The following SPATA18 variants were observed in gnomAD, a reference collection of about 807,000 sequenced individuals.
SPATA18 encodes the protein mitochondria-eating protein.
A neutral mutation model predicts 68.1 loss-of-function variants in SPATA18; 54 were observed. That is an observed-to-expected ratio of 0.79 (90% CI 0.64 to 0.99). The LOEUF is 0.99. SPATA18 is among the 50% of genes least tolerant of loss of function. The probability of loss-of-function intolerance (pLI) is 0.00; values close to 1 mark genes in which losing one functional copy is unlikely to be tolerated. For missense variants in SPATA18, 724 were observed against 681.1 expected (o/e 1.06, Z -0.70); for synonymous variants, 242 against 244.8 (o/e 0.99, Z 0.11).
chr4:52,066,851 G>T (rs1288675545), intron 4 of SPATA18, among the ~76,000 whole-genome samples: 1 of 152,144 alleles, frequency 6.6e-6, no homozygotes, highest in Non-Finnish European at 1.5e-5. Context: ...TTTTTTGGCT[G>T]CATAGCATTC....
intron 4 of SPATA18, among the ~76,000 whole-genome samples, chr4:52,067,958 T>G (rs930476510): frequency 9.2e-5 from 14 of 152,330 alleles, no homozygotes; most frequent in African/African-American, 2.9e-4. Flanking sequence ...AACATTTAAA[T>G]AGAACGTCAG....
chr4:52,074,884 A>G (rs1046955963), intron 6 of SPATA18, among the ~76,000 whole-genome samples: 23 of 152,214 alleles, frequency 1.5e-4, no homozygotes, highest in African/African-American at 5.3e-4. Context: ...AGACTTGCTC[A>G]GCCGCAATTA....
chr4:52,068,248 T>C (rs1739474573), intron 4 of SPATA18, among the ~76,000 whole-genome samples: 1 of 152,254 alleles, frequency 6.6e-6, no homozygotes. Flanking sequence ...TTAGTTTCCT[T>C]TCAATCTCCA....
At chr4:52,077,589 T>C (rs1480707661) in intron 7 of SPATA18, among the ~76,000 whole-genome samples, 1 of 152,112 alleles carries the variant, frequency 6.6e-6, no homozygotes, top group Non-Finnish European at 1.5e-5. Context: ...CAGGACTATC[T>C]CAAATGGGTT....
Position 52,079,903 on chromosome 4 carries a change from GT to G in SPATA18, c.1344del (p.Phe448LeufsTer18). 6.2e-7 allele frequency: 1 copy of G among 1,612,402 alleles called. No individual in the cohort carries two copies. Among genetic ancestry groups the G allele is most frequent in the South Asian group, 1.1e-5 (1 of 90,638 alleles). On this transcript the variant is annotated frameshift_variant, in exon 9 of 13. Transcript: ENST00000295213. LOFTEE classifies it high-confidence loss of function. ...LDIAYGADGE[V>X]FNDCKYRRSY... ...TATTGCATATGGAGCAGATGGAGAA[GT>G]TTTTAATGATTGCAAGTAAGAGACA...
chr4:52,054,172 T>C lies in SPATA18; in HGVS notation c.87+2381T>C, dbSNP rs115889877. On this transcript the variant is annotated intron_variant, in intron 1 of 12. Transcript: ENST00000295213. ...CACACTGAAGAACAGAATTTTTAAT[T>C]TGACTTAAGTCCAATTTAAATTCAG... Among the ~76,000 whole-genome samples the C allele has an allele frequency of 8.7e-3, 1,319 of 152,350 alleles. 11 individuals carry two copies. Among genetic ancestry groups the C allele is most frequent in the African/African-American group, 0.026 (1,083 of 41,574 alleles).
chr4:52,061,487 AAAT>A (rs3050629), intron 3 of SPATA18, among the ~76,000 whole-genome samples: 53,439 of 143,330 alleles, frequency 0.37, 11,954 homozygotes, highest in African/African-American at 0.63. Context: ...CCTAAAGTAA[AAAT>A]AATAATAATA....
intron 4 of SPATA18, among the ~76,000 whole-genome samples, chr4:52,067,694 T>C: frequency 6.6e-6 from 1 of 152,176 alleles, no homozygotes; most frequent in East Asian, 1.9e-4. Flanking sequence ...CCTTTAATAC[T>C]CTTCCATGGT....
At chr4:52,094,401 T>C (rs1252370134) in intron 11 of SPATA18, 126 bp from the exon 12 acceptor site, 1 of 766,870 alleles carries the variant, frequency 1.3e-6, no homozygotes, top group South Asian at 1.6e-5. Flanking sequence ...GGGTGAAAAA[T>C]CATAGTGCTA....
At chr4:52,075,020 G>T (rs967627534) in intron 6 of SPATA18, among the ~76,000 whole-genome samples, 1 of 152,146 alleles carries the variant, frequency 6.6e-6, no homozygotes, top group Non-Finnish European at 1.5e-5. Flanking sequence ...AGTTAGAGTT[G>T]CATGTCCTTC....
chr4:52,057,332 T>A (rs1738439209), intron 1 of SPATA18, among the ~76,000 whole-genome samples: 1 of 152,190 alleles, frequency 6.6e-6, no homozygotes, highest in South Asian at 2.1e-4. Flanking sequence ...GGTTGTCTTG[T>A]GTGGGTATGT....
chr4:52,087,974 A>C (rs1741582439), intron 11 of SPATA18, among the ~76,000 whole-genome samples: 1 of 152,176 alleles, frequency 6.6e-6, no homozygotes, highest in South Asian at 2.1e-4. Flanking sequence ...TTCTCCTTGA[A>C]GGGGTCCTTC....
intron 7 of SPATA18, among the ~76,000 whole-genome samples, chr4:52,077,778 A>G (rs978284029): frequency 6.6e-6 from 1 of 152,168 alleles, no homozygotes; most frequent in Non-Finnish European, 1.5e-5. Flanking sequence ...AACTGCTTAC[A>G]TATCAGCTAT....
intron 11 of SPATA18, among the ~76,000 whole-genome samples, chr4:52,089,338 G>A (rs913209311): frequency 2.0e-5 from 3 of 152,160 alleles, no homozygotes; most frequent in African/African-American, 7.2e-5. Context: ...TTTTGAATTT[G>A]TTTGCTGTTG....
chr4:52,069,228 A>G (rs1290558375), intron 4 of SPATA18, among the ~76,000 whole-genome samples: 1 of 152,196 alleles, frequency 6.6e-6, no homozygotes, highest in Non-Finnish European at 1.5e-5. Flanking sequence ...TTTGTCTACC[A>G]TGAAGAGGAT....
rs149499065 is a variant in SPATA18, at chr4:52,067,049, G to A, written c.423-2772G>A. Among the ~76,000 whole-genome samples, 40 of 152,114 alleles carry A rather than the reference G, an allele frequency of 2.6e-4. No homozygotes were observed. In the East Asian group the frequency reaches 5.8e-3, roughly 22 times the overall value. On this transcript the variant is annotated intron_variant, in intron 4 of 12. Coordinates refer to ENST00000295213, the MANE Select transcript of SPATA18 (RefSeq NM_145263.4). ...GGATTGCTGGGTCAAATGGTATTTC[G>A]GTTCTAGATCCTTGAGGAATCACCA...
rs753517961 is a variant in SPATA18 at position 52,084,985 on chromosome 4, A to G, written c.1549A>G (p.Ile517Val). 2.0e-5 allele frequency: 32 copies of G among 1,613,250 alleles called. No homozygotes were observed. Among genetic ancestry groups the G allele is most frequent in the Middle Eastern group, 3.3e-4 (2 of 6,072 alleles). The change falls in exon 11 of 13, where the codon ATT becomes GTT. Residue 517 changes from isoleucine to valine, a missense_variant. Physicochemically the swap from Ile to Val is conservative, Grantham distance 29. Coordinates refer to ENST00000295213, the MANE Select transcript of SPATA18 (RefSeq NM_145263.4). ...SLSPICPRSQ[I>V]GLNTMSRSRS... ...AAGTCCCATTTGCCCCCGTAGCCAA[A>G]TTGGTTTAAACACGGTACATATCTA...
At position 52,094,568 on chromosome 4, in the gene SPATA18, G is replaced by A. The variant is rs1742267253; in HGVS notation, c.1605G>A (p.Leu535=). The A allele has an allele frequency of 6.2e-7, 1 of 1,613,828 alleles. No homozygotes were observed. Among genetic ancestry groups the A allele is most frequent in the East Asian group, 2.2e-5 (1 of 44,876 alleles). Residue 535 remains leucine (L), a synonymous_variant, in exon 12 of 13, where the codon TTG becomes TTA. Transcript: ENST00000295213. The part of the protein sequence containing the change: ...SRSPSPIRCG[L]PRF Reference sequence around the variant, plus strand: ...GTCCTTCTCCAATAAGATGTGGATTGCCAAGTAAGTGGGATTAGTTCAGAT... The same window carrying A: ...GTCCTTCTCCAATAAGATGTGGATTACCAAGTAAGTGGGATTAGTTCAGAT...
rs746103771 is a variant in SPATA18 at position 52,094,564 on chromosome 4, G to C, written c.1601G>C (p.Gly534Ala). 1.1e-5 allele frequency: 17 copies of C among 1,613,718 alleles called. No homozygotes were observed. The East Asian group carries it at 3.6e-4, about 34-fold the overall frequency. Residue 534 changes from glycine to alanine, a missense_variant, in exon 12 of 13, where the codon GGA (glycine) becomes GCA (alanine). Physicochemically the swap from Gly to Ala is moderately conservative, Grantham distance 60. Transcript: ENST00000295213. ...CGGAGTCCTTCTCCAATAAGATGTG[G>C]ATTGCCAAGTAAGTGGGATTAGTTC... ...RSRSPSPIRC[G>A]LPRF
Sources: allele counts gnomAD v4.1 joint callset (sites outside exome capture counted in the v4.1 genomes callset), GRCh38; gene constraint gnomAD v4.1.1; transcripts MANE v1.5; gene names NCBI Gene and HGNC (gene_info 2026-07-23, HGNC 2026-07-21).